Variants in PITPNC1 observed in about 807,000 individuals in gnomAD.
PITPNC1 encodes the protein cytoplasmic phosphatidylinositol transfer protein 1.
Under a neutral mutation model 44.7 loss-of-function variants are expected in PITPNC1, and 18 were observed. The observed-to-expected ratio is 0.40, with a 90% CI of 0.28 to 0.60. The LOEUF is 0.60. Ranked by LOEUF, PITPNC1 falls within the 20% of genes least tolerant of loss-of-function variation. PITPNC1 has a pLI of 0.39. For missense variants in PITPNC1, 290 were observed against 418.4 expected (o/e 0.69, Z 2.68); for synonymous variants, 141 against 149.6 (o/e 0.94, Z 0.42).
intron 1 of PITPNC1, among the ~76,000 whole-genome samples, chr17:67,491,608 G>A (rs1046004231): frequency 6.6e-6 from 1 of 152,168 alleles, no homozygotes; most frequent in Non-Finnish European, 1.5e-5. Flanking sequence ...ATACGCCCAG[G>A]TGGGAGGGTC....
chr17:67,405,577 G>A (rs889037162), intron 1 of PITPNC1, among the ~76,000 whole-genome samples: 2 of 151,296 alleles, frequency 1.3e-5, no homozygotes, highest in African/African-American at 4.9e-5. Context: ...AATGTTACGA[G>A]TTTACTCAAC....
intron 2 of PITPNC1, among the ~76,000 whole-genome samples, chr17:67,545,168 C>T (rs1178788713): frequency 2.0e-5 from 3 of 152,076 alleles, no homozygotes; most frequent in Non-Finnish European, 4.4e-5. Context: ...AAGATATAGG[C>T]AGGCGTGGTA....
At chr17:67,619,386 C>T (rs773550649) in intron 5 of PITPNC1, among the ~76,000 whole-genome samples, 6 of 152,262 alleles carry the variant, frequency 3.9e-5, no homozygotes, top group Non-Finnish European at 8.8e-5. Flanking sequence ...CCTCCCTTCC[C>T]GACACCATGA....
At chr17:67,499,152 G>T (rs1421733664) in intron 1 of PITPNC1, among the ~76,000 whole-genome samples, 1 of 152,088 alleles carries the variant, frequency 6.6e-6, no homozygotes, top group Non-Finnish European at 1.5e-5. Flanking sequence ...GGGATTATGG[G>T]CATGAGCCAC....
intron 4 of PITPNC1, among the ~76,000 whole-genome samples, chr17:67,561,804 C>T (rs1193054923): frequency 6.6e-6 from 1 of 152,152 alleles, no homozygotes; most frequent in Non-Finnish European, 1.5e-5. Context: ...CTATGTTGCC[C>T]AGGCTAATTT....
At chr17:67,388,532 G>C (rs532977923) in intron 1 of PITPNC1, among the ~76,000 whole-genome samples, 6 of 152,218 alleles carry the variant, frequency 3.9e-5, no homozygotes, top group Admixed American at 3.9e-4. Context: ...ATGTTGGCCA[G>C]GCTGGCCTTG....
chr17:67,393,851 TG>T (rs1242767742), intron 1 of PITPNC1, among the ~76,000 whole-genome samples: 3 of 152,206 alleles, frequency 2.0e-5, no homozygotes, highest in Non-Finnish European at 4.4e-5. Flanking sequence ...GCTTATTTTT[TG>T]GGATTTTAGA....
At chr17:67,434,806 A>AAAT (rs201332243) in intron 1 of PITPNC1, among the ~76,000 whole-genome samples, 434 of 35,230 alleles carry the variant, frequency 0.012, 2 homozygotes, top group African/African-American at 0.039. Context: ...TCAAAAAAAA[A>AAAT]AAAAAAATAA....
intron 1 of PITPNC1, among the ~76,000 whole-genome samples, chr17:67,440,283 C>G (rs1272925782): frequency 6.6e-6 from 1 of 152,082 alleles, no homozygotes; most frequent in African/African-American, 2.4e-5. Context: ...GCAAACGCAA[C>G]CTCACTTGTC....
intron 5 of PITPNC1, among the ~76,000 whole-genome samples, chr17:67,604,660 G>C (rs533372199): frequency 6.6e-6 from 1 of 152,250 alleles, no homozygotes; most frequent in South Asian, 2.1e-4. Context: ...GCATGTACCT[G>C]TAGTCCCAGC....
chr17:67,416,203 CTTTTTTTTTTT>C (rs71687631), intron 1 of PITPNC1, among the ~76,000 whole-genome samples: 5 of 67,614 alleles, frequency 7.4e-5, no homozygotes, highest in Admixed American at 2.2e-4. Context: ...ACATGTATTG[CTTTTTTTTTTT>C]TTTTTTTTTT....
intron 5 of PITPNC1, among the ~76,000 whole-genome samples, chr17:67,582,517 G>A (rs1042368814): frequency 6.6e-6 from 1 of 151,662 alleles, no homozygotes; most frequent in African/African-American, 2.4e-5. Flanking sequence ...TGGTTGAATC[G>A]AGTACATGTT....
At chr17:67,632,044 C>A in intron 5 of PITPNC1, 99 bp from the exon 6 acceptor site, 1 of 709,406 alleles carries the variant, frequency 1.4e-6, no homozygotes, top group Non-Finnish European at 2.6e-6. Context: ...GGCCCTGAGA[C>A]GTGTGAAGAT....
intron 1 of PITPNC1, among the ~76,000 whole-genome samples, chr17:67,425,191 G>GCGCACGCGCA (rs2038733603): frequency 2.6e-5 from 1 of 38,640 alleles, no homozygotes; most frequent in Admixed American, 2.4e-4. Flanking sequence ...TGTTGTGCGC[G>GCGCACGCGCA]CGCACGCACA....
At chr17:67,425,962 G>A (rs1353758571) in intron 1 of PITPNC1, among the ~76,000 whole-genome samples, 2 of 152,172 alleles carry the variant, frequency 1.3e-5, no homozygotes, top group South Asian at 2.1e-4. Flanking sequence ...GAGTGAGTGT[G>A]ACTGTGTTTC....
At chr17:67,522,858 C>T (rs1354297532) in intron 1 of PITPNC1, among the ~76,000 whole-genome samples, 1 of 151,666 alleles carries the variant, frequency 6.6e-6, no homozygotes, top group East Asian at 1.9e-4. Flanking sequence ...TTTGTAGAGA[C>T]ACCATCTCCC....
intron 6 of PITPNC1, among the ~76,000 whole-genome samples, chr17:67,642,572 C>T (rs1286520961): frequency 2.6e-5 from 4 of 152,154 alleles, no homozygotes; most frequent in Non-Finnish European, 4.4e-5. Flanking sequence ...ACCCTGGCTG[C>T]ACCATTTTCA....
intron 1 of PITPNC1, among the ~76,000 whole-genome samples, chr17:67,412,534 C>T (rs1029127012): frequency 4.6e-5 from 7 of 152,088 alleles, no homozygotes; most frequent in African/African-American, 1.7e-4. Context: ...ATGACAAGAT[C>T]TGCTGTTTCA....
At chr17:67,441,799 C>T (rs758656631) in intron 1 of PITPNC1, among the ~76,000 whole-genome samples, 5 of 152,092 alleles carry the variant, frequency 3.3e-5, no homozygotes, top group Admixed American at 6.5e-5. Context: ...CCCTGCTGTT[C>T]GGCAAGAGAG....
Sources: gnomAD v4.1 joint callset for allele counts (sites outside exome capture counted in the v4.1 genomes callset) on GRCh38, gnomAD v4.1.1 for gene constraint, MANE v1.5 for transcripts, NCBI Gene and HGNC (gene_info 2026-07-23, HGNC 2026-07-21) for gene names.